RAB28: variants seen among roughly 807,000 people sequenced by gnomAD.
RAB28 encodes RAB28, member RAS oncogene family.
RAB28 carries 24 observed loss-of-function variants against 31.7 expected under a neutral mutation model. The observed-to-expected ratio is 0.76, with a 90% CI of 0.55 to 1.06. The LOEUF is 1.06. Ranked by LOEUF, RAB28 falls within the 50% of genes least tolerant of loss-of-function variation. The probability of loss-of-function intolerance (pLI) is 0.00; values close to 1 mark genes in which losing one functional copy is unlikely to be tolerated. For synonymous variants in RAB28, 100 were observed against 90.4 expected (o/e 1.11, Z -0.60); for missense variants, 254 against 258.5 (o/e 0.98, Z 0.12).
At chr4:13,437,659 T>C (rs1002857040) in intron 4 of RAB28, among the ~76,000 whole-genome samples, 5 of 152,080 alleles carry the variant, frequency 3.3e-5, no homozygotes, top group Non-Finnish European at 7.4e-5. Flanking sequence ...AGATACCATC[T>C]CACACCAATC....
At chr4:13,370,689 G>C (rs374247265) in intron 6 of RAB28, 1 of 983,966 alleles carries the variant, frequency 1.0e-6, no homozygotes. Flanking sequence ...TATGATGCTC[G>C]CTCCCCCATT....
chr4:13,451,698 T>C (rs539176140), intron 4 of RAB28, among the ~76,000 whole-genome samples: 2 of 152,024 alleles, frequency 1.3e-5, no homozygotes, highest in African/African-American at 2.4e-5. Context: ...CCTCTAGTAG[T>C]GTTAGTTTAC....
intron 4 of RAB28, among the ~76,000 whole-genome samples, chr4:13,402,068 T>C (rs540292595): frequency 4.9e-4 from 74 of 152,374 alleles, no homozygotes; most frequent in African/African-American, 1.7e-3. Context: ...AATATGTTTT[T>C]CTGTTACTGA....
At chr4:13,473,808 T>A in intron 3 of RAB28, 2 of 369,936 alleles carry the variant, frequency 5.4e-6, no homozygotes, top group South Asian at 4.0e-5. Flanking sequence ...TAAATTATTG[T>A]ATGTGTTTCA....
chr4:13,371,454 A>G, intron 6 of RAB28: 2 of 985,340 alleles, frequency 2.0e-6, no homozygotes, highest in Non-Finnish European at 2.4e-6. Flanking sequence ...TTATCCTATA[A>G]ACACAACCAG....
intron 4 of RAB28, among the ~76,000 whole-genome samples, chr4:13,422,142 C>A (rs527459943): frequency 1.3e-5 from 2 of 151,942 alleles, no homozygotes; most frequent in Admixed American, 6.5e-5. Flanking sequence ...CCAGCAGACA[C>A]ATGAAAAAAT....
intron 4 of RAB28, among the ~76,000 whole-genome samples, chr4:13,403,794 C>A (rs989100224): frequency 2.6e-5 from 4 of 152,074 alleles, no homozygotes; most frequent in Non-Finnish European, 4.4e-5. Context: ...ACTTTAAAAT[C>A]TAAGAAAATT....
chr4:13,368,777 G>T, intron 6 of RAB28, 127 bp from the exon 7 acceptor site: 5 of 644,974 alleles, frequency 7.8e-6, no homozygotes, highest in Non-Finnish European at 1.1e-5. Context: ...TGAAGCAGGA[G>T]TTGATATTAA....
intron 2 of RAB28, among the ~76,000 whole-genome samples, chr4:13,476,273 T>C (rs1716356721): frequency 6.6e-6 from 1 of 151,550 alleles, no homozygotes; most frequent in South Asian, 2.1e-4. Context: ...ATCATCTATC[T>C]ATCCAACTGT....
At chr4:13,414,169 C>G (rs1209054831) in intron 4 of RAB28, among the ~76,000 whole-genome samples, 1 of 152,196 alleles carries the variant, frequency 6.6e-6, no homozygotes, top group Admixed American at 6.5e-5. Flanking sequence ...TAGTTCATCT[C>G]TGGTCCCTCC....
intron 4 of RAB28, among the ~76,000 whole-genome samples, chr4:13,415,103 AATC>A (rs1280877978): frequency 4.6e-5 from 7 of 152,270 alleles, no homozygotes; most frequent in Admixed American, 1.3e-4. Context: ...AAGGAAGAAG[AATC>A]ATCATTAATT....
chr4:13,420,134 C>T (rs893295709), intron 4 of RAB28, among the ~76,000 whole-genome samples: 2 of 152,104 alleles, frequency 1.3e-5, no homozygotes, highest in African/African-American at 4.8e-5. Flanking sequence ...AACATCTCTA[C>T]GCAAATAAAC....
chr4:13,484,079 C>T lies in RAB28; in HGVS notation c.72G>A (p.Gly24=). Residue 24 remains glycine (G), a synonymous_variant, in exon 1 of 7, where the codon GGG becomes GGA. Coordinates refer to ENST00000330852, the MANE Select transcript of RAB28 (RefSeq NM_001017979.3). ...KIVVLGDGAS[G]KTSLTTCFAQ... is the part of the protein sequence containing the mutation. ...GCGGGCCTGCTCGAGGACTGACCTT[C>T]CCGGAGGCGCCGTCCCCCAGCACGA... The T allele has an allele frequency of 6.3e-7, 1 of 1,597,118 alleles. No individual in the cohort carries two copies. The highest frequency in any genetic ancestry group is 8.5e-7 in the Non-Finnish European group (1 of 1,172,506).
At chr4:13,388,140 G>A (rs919402812) in intron 4 of RAB28, among the ~76,000 whole-genome samples, 1 of 151,974 alleles carries the variant, frequency 6.6e-6, no homozygotes, top group African/African-American at 2.4e-5. Context: ...TAAAAGCAAT[G>A]CTAATTAAGA....
chr4:13,371,999 G>C, intron 6 of RAB28: 1 of 810,198 alleles, frequency 1.2e-6, no homozygotes, highest in Non-Finnish European at 2.0e-6. Context: ...CCTATGGGTT[G>C]GGGCACAAGG....
chr4:13,447,126 T>C (rs1485419471), intron 4 of RAB28, among the ~76,000 whole-genome samples: 1 of 152,174 alleles, frequency 6.6e-6, no homozygotes, highest in Non-Finnish European at 1.5e-5. Context: ...CTCTGGTCCA[T>C]GCCACCATTA....
chr4:13,438,889 A>G (rs1297665125), intron 4 of RAB28, among the ~76,000 whole-genome samples: 1 of 152,102 alleles, frequency 6.6e-6, no homozygotes, highest in African/African-American at 2.4e-5. Flanking sequence ...CTGCATTTCT[A>G]CTGGACAATA....
chr4:13,468,939 T>C (rs1403119932), intron 3 of RAB28, among the ~76,000 whole-genome samples: 1 of 151,948 alleles, frequency 6.6e-6, no homozygotes, highest in African/African-American at 2.4e-5. Context: ...AACAACTTTG[T>C]GACCACAAAT....
rs140760374 is a variant in RAB28, at chr4:13,408,678, A to G, written c.392-27084T>C. On this transcript the variant is annotated intron_variant, in intron 4 of 6. Transcript: ENST00000330852. ...CAAAAAAAATGAAAAAAATTCAAGT[A>G]CTAACAAGTGATTGGCTGTATGAGA... Among the ~76,000 whole-genome samples the G allele has an allele frequency of 6.0e-3, 920 of 152,314 alleles. 2 individuals carry two copies. Among genetic ancestry groups the G allele is most frequent in the Non-Finnish European group, 7.8e-3 (529 of 68,030 alleles).
Sources: gnomAD v4.1 joint callset for allele counts (sites outside exome capture counted in the v4.1 genomes callset) on GRCh38, gnomAD v4.1.1 for gene constraint, MANE v1.5 for transcripts, NCBI Gene and HGNC (gene_info 2026-07-23, HGNC 2026-07-21) for gene names.